Variants in ACACA observed in about 807,000 individuals in gnomAD.
ACACA encodes acetyl-CoA carboxylase 1.
ACACA carries 103 observed loss-of-function variants against 296.1 expected under a neutral mutation model. That is an observed-to-expected ratio of 0.35 (90% CI 0.30 to 0.41). ACACA has a LOEUF of 0.41. ACACA is among the 10% of genes least tolerant of loss of function. The pLI is 1.00. For synonymous variants in ACACA, 953 were observed against 1,038.6 expected, an observed-to-expected ratio of 0.92 and a Z score of 1.58; for missense variants, 1,554 against 2,989.7, an observed-to-expected ratio of 0.52 and a Z score of 11.20.
chr17:37,095,150 T>C (rs2072907690), intron 54 of ACACA, among the ~76,000 whole-genome samples: 1 of 152,248 alleles, frequency 6.6e-6, no homozygotes, highest in African/African-American at 2.4e-5. Flanking sequence ...TAGTGACTAA[T>C]GTGGTAGGGA....
chr17:37,375,501 T>C (rs1182688255), intron 1 of ACACA, among the ~76,000 whole-genome samples: 1 of 150,858 alleles, frequency 6.6e-6, no homozygotes, highest in African/African-American at 2.4e-5. Context: ...AAAAAAGAGA[T>C]CATATGGTTC....
intron 1 of ACACA, among the ~76,000 whole-genome samples, chr17:37,390,637 A>G (rs75573982): frequency 2.8e-5 from 4 of 141,702 alleles, no homozygotes; most frequent in South Asian, 4.6e-4. Flanking sequence ...AAAAAGAGAG[A>G]AAAAAAAAAA....
intron 24 of ACACA, among the ~76,000 whole-genome samples, chr17:37,236,990 AC>A (rs1461254844): frequency 3.9e-5 from 6 of 152,076 alleles, no homozygotes; most frequent in African/African-American, 1.4e-4. Context: ...ATCTTTGAAG[AC>A]CCCTGCGTAC....
intron 1 of ACACA, among the ~76,000 whole-genome samples, chr17:37,349,526 T>C (rs912873221): frequency 2.7e-5 from 4 of 148,528 alleles, no homozygotes; most frequent in Non-Finnish European, 5.9e-5. Context: ...TATGTGTGTG[T>C]GTGTGCGCGC....
At chr17:37,351,577 C>T (rs2048905598) in intron 1 of ACACA, among the ~76,000 whole-genome samples, 1 of 152,238 alleles carries the variant, frequency 6.6e-6, no homozygotes, top group Non-Finnish European at 1.5e-5. Flanking sequence ...CCATGCTACT[C>T]TGATCCCTTA....
intron 3 of ACACA, among the ~76,000 whole-genome samples, chr17:37,323,426 C>T (rs1351935691): frequency 6.6e-6 from 1 of 152,210 alleles, no homozygotes. Flanking sequence ...AAGACCCCAT[C>T]TCTAAAAAAA....
rs1179253129 is a variant in ACACA, at chr17:37,163,747, T to A, written c.5080-1697A>T. 2.0e-5 allele frequency among the ~76,000 whole-genome samples: 3 copies of A among 152,174 alleles called. No individual in the cohort carries two copies. The South Asian group carries it at 6.2e-4, about 32-fold the overall frequency. ...CACCAGAAAAACCAAAGGATGGAAATAACTAATCTCTTGCTGCACTATATG... is the reference window on the plus strand; with the variant it reads ...CACCAGAAAAACCAAAGGATGGAAAAAACTAATCTCTTGCTGCACTATATG... On this transcript the variant is annotated intron_variant, in intron 41 of 55. Transcript: ENST00000616317.
chr17:37,221,929 C>A lies in ACACA; in HGVS notation c.3565-87G>T, dbSNP rs899779108. The A allele has an allele frequency of 6.0e-6, 7 of 1,169,256 alleles. No homozygotes were observed. The African/African-American group carries it at 1.1e-4, about 18-fold the overall frequency. The allele number at this position is 1,169,256 out of a possible 1,614,324, so 72.4% of individuals were successfully genotyped here. On this transcript the variant is annotated intron_variant, in intron 28 of 55. Transcript: ENST00000616317. The stretch of plus-strand genomic sequence containing the variant: ...GAAAAAGAGTCTTGAAACGAGGTAT[C>A]TGAGGCAGAAGGTGCTCTGTGGGGA...
chr17:37,264,975 G>A (rs2081687023), intron 10 of ACACA, among the ~76,000 whole-genome samples: 1 of 152,164 alleles, frequency 6.6e-6, no homozygotes. Context: ...GGTGATTTGT[G>A]CTGACTGCTG....
rs2074080990 is a variant in ACACA, at chr17:37,113,385, C to T, written c.6275-120G>A. 1.1e-5 allele frequency: 11 copies of T among 1,015,948 alleles called. No homozygotes were observed. The highest frequency in any genetic ancestry group is 1.7e-5 in the Non-Finnish European group (11 of 662,828). The allele number at this position is 1,015,948 out of a possible 1,614,324, so 62.9% of individuals were successfully genotyped here. Reference sequence around the variant, plus strand: ...TCCTTATACTATGCCTCCTGTTTGGCCACCCTATAGACTAAAGGGAGTATC... The same window carrying T: ...TCCTTATACTATGCCTCCTGTTTGGTCACCCTATAGACTAAAGGGAGTATC... On this transcript the variant is annotated intron_variant, in intron 50 of 55. Coordinates refer to ENST00000616317, the MANE Select transcript of ACACA (RefSeq NM_198834.3). This position sits in a 1 kb window ranked among gnomAD's most constrained non-coding sequence, Gnocchi z 4.0.
chr17:37,333,988 C>T (rs1293960664), intron 2 of ACACA, among the ~76,000 whole-genome samples: 1 of 151,874 alleles, frequency 6.6e-6, no homozygotes, highest in Non-Finnish European at 1.5e-5. Context: ...TACAGAGTGA[C>T]AATGGCCCTG....
In ACACA at chr17:37,365,157, C is replaced by T. The variant is rs1156332151; in HGVS notation, c.39-25307G>A. 5.9e-5 allele frequency among the ~76,000 whole-genome samples: 9 copies of T among 152,240 alleles called. 1 individual carries two copies. Among genetic ancestry groups the T allele is most frequent in the Middle Eastern group, 6.8e-3 (2 of 294 alleles). On this transcript the variant is annotated intron_variant, in intron 1 of 55. Transcript: ENST00000616317. ...TATTTCCGGCAGAGACAGAGTCTCA[C>T]TATATTGGCCAGGCTGGTCTCAAAC...
chr17:37,185,398 A>ATTT (rs2077488489), intron 39 of ACACA, among the ~76,000 whole-genome samples: 2 of 50,378 alleles, frequency 4.0e-5, no homozygotes, highest in African/African-American at 2.0e-4. Flanking sequence ...ATGCCTGGCT[A>ATTT]TTTCTTTTTT....
Position 37,402,493 on chromosome 17 carries a change from G to A in ACACA, c.38+3769C>T, listed in dbSNP as rs186548461. Among the ~76,000 whole-genome samples the A allele has an allele frequency of 1.9e-3, 282 of 152,258 alleles. 1 individual carries two copies. The highest frequency in any genetic ancestry group is 3.5e-3 in the Non-Finnish European group (238 of 68,024). On this transcript the variant is annotated intron_variant, in intron 1 of 55. Transcript: ENST00000616317. ...GACAATATAAATTTATTGTACAAAT[G>A]GAGACTTTACTGAGAGTGAAACCAG...
rs560026408 is a variant in ACACA, at chr17:37,108,549, C to A, written c.6565+2982G>T. Among the ~76,000 whole-genome samples the A allele has an allele frequency of 2.0e-5, 3 of 152,026 alleles. No homozygotes were observed. In the East Asian group the frequency reaches 5.8e-4, roughly 29 times the overall value. On this transcript the variant is annotated intron_variant, in intron 52 of 55. Transcript: ENST00000616317. ...GACTACAGGCATGCACCACCATGCCCGGCTAATTTTGTATTTTTAGTAGAG... is the reference window on the plus strand; with the variant it reads ...GACTACAGGCATGCACCACCATGCCAGGCTAATTTTGTATTTTTAGTAGAG...
At chr17:37,325,689 C>A (rs2047588081) in intron 3 of ACACA, among the ~76,000 whole-genome samples, 1 of 147,282 alleles carries the variant, frequency 6.8e-6, no homozygotes, top group Admixed American at 7.0e-5. Context: ...CTTCTCCTGC[C>A]TCAGCCTCTC....
intron 2 of ACACA, among the ~76,000 whole-genome samples, chr17:37,331,225 C>T (rs918142623): frequency 6.6e-6 from 1 of 151,238 alleles, no homozygotes; most frequent in South Asian, 2.1e-4. Flanking sequence ...TCATGCCATT[C>T]TCCTGCCTCA....
intron 3 of ACACA, chr17:37,301,292 A>T: frequency 1.3e-6 from 1 of 771,964 alleles, no homozygotes; most frequent in Non-Finnish European, 1.6e-6. Flanking sequence ...ATATTAGAAT[A>T]CAAGAAATAA....
intron 10 of ACACA, among the ~76,000 whole-genome samples, chr17:37,265,241 A>G (rs1450692169): frequency 6.6e-6 from 1 of 152,212 alleles, no homozygotes; most frequent in Non-Finnish European, 1.5e-5. Flanking sequence ...GAGGAACAGC[A>G]AAGTCACATT....
Sources: gnomAD v4.1 joint callset for allele counts (sites outside exome capture counted in the v4.1 genomes callset) on GRCh38, gnomAD v4.1.1 for gene constraint, Gnocchi (gnomAD v3.1) non-coding constraint, MANE v1.5 for transcripts, NCBI Gene and HGNC (gene_info 2026-07-23, HGNC 2026-07-21) for gene names.